Variants in CNPY1 observed in about 807,000 individuals in gnomAD.
CNPY1 encodes the protein canopy FGF signaling regulator 1.
A neutral mutation model predicts 14.4 loss-of-function variants in CNPY1; 14 were observed. The observed-to-expected ratio is 0.97, with a 90% confidence interval of 0.64 to 1.52. The LOEUF is 1.52. Among genes scored for constraint, CNPY1 ranks in the 40% most tolerant of loss-of-function variants. The pLI is 0.00. For synonymous variants in CNPY1, 43 were observed against 46.5 expected (o/e 0.92, Z 0.31); for missense variants, 129 against 131.5 (o/e 0.98, Z 0.09).
intron 2 of CNPY1, among the ~76,000 whole-genome samples, chr7:155,515,300 C>G (rs868076273): frequency 1.2e-4 from 16 of 135,938 alleles, no homozygotes; most frequent in East Asian, 6.3e-4. Flanking sequence ...GGCCGCCCCC[C>G]CCCCCCCCGG....
At chr7:155,506,881 C>G in intron 4 of CNPY1, 139 bp downstream of exon 4, 1 of 549,436 alleles carries the variant, frequency 1.8e-6, no homozygotes, top group Non-Finnish European at 3.3e-6. Flanking sequence ...GTTTCTGATT[C>G]AGCGGAGACG....
At position 155,502,879 on chromosome 7, in the gene CNPY1, T is replaced by C. The variant is rs1796162905; in HGVS notation, c.*189A>G. On this transcript the variant is annotated 3_prime_UTR_variant, in exon 5 of 5. Coordinates refer to ENST00000636446, the MANE Select transcript of CNPY1 (RefSeq NM_001393663.1). Reference sequence around the variant, plus strand: ...TTCATGTACTCCTCAGCTTCACCTATAAAAAAACGCAGGGTTTGTCATGAT... The same window carrying C: ...TTCATGTACTCCTCAGCTTCACCTACAAAAAAACGCAGGGTTTGTCATGAT... The C allele has an allele frequency of 1.8e-6, 1 of 542,998 alleles. No homozygotes were observed. The highest frequency in any genetic ancestry group is 3.2e-5 in the Admixed American group (1 of 30,974). The allele number at this position is 542,998 out of a possible 1,614,324, so 33.6% of individuals were successfully genotyped here. A position where few individuals can be genotyped will look rare whatever the true frequency, so the allele number is the denominator to read the frequency against.
At chr7:155,537,139 A>T (rs532759983) in intron 2 of CNPY1, among the ~76,000 whole-genome samples, 2 of 152,226 alleles carry the variant, frequency 1.3e-5, no homozygotes, top group East Asian at 3.9e-4. Context: ...TGTCCTCTAG[A>T]TGGTTGAGAG....
chr7:155,530,716 G>T (rs1796923161), intron 2 of CNPY1, among the ~76,000 whole-genome samples: 1 of 152,172 alleles, frequency 6.6e-6, no homozygotes, highest in Non-Finnish European at 1.5e-5. Flanking sequence ...GAAAATTCCT[G>T]ACTTTCATAG....
chr7:155,520,436 T>C (rs1377351892), intron 2 of CNPY1, among the ~76,000 whole-genome samples: 6 of 122,820 alleles, frequency 4.9e-5, no homozygotes, highest in Admixed American at 8.5e-5. Flanking sequence ...TTCTTTTTTT[T>C]TTTTTTTTTT....
chr7:155,527,608 ATT>A (rs750783721), intron 2 of CNPY1, among the ~76,000 whole-genome samples: 10 of 135,670 alleles, frequency 7.4e-5, no homozygotes, highest in African/African-American at 8.1e-5. Context: ...CACCCTGCTA[ATT>A]TTTTTTTTTT....
chr7:155,544,558 G>A (rs754787265), intron 2 of CNPY1, among the ~76,000 whole-genome samples: 54 of 152,218 alleles, frequency 3.5e-4, no homozygotes, highest in Non-Finnish European at 6.5e-4. Context: ...TGGACACAAT[G>A]CACACACAGA....
chr7:155,508,821 A>C (rs1796418075), intron 3 of CNPY1, 73 bp downstream of exon 3: 1 of 1,492,254 alleles, frequency 6.7e-7, no homozygotes, highest in Non-Finnish European at 9.2e-7. Context: ...CAACAAGAGT[A>C]GAAAACAACA....
intron 3 of CNPY1, 80 bp downstream of exon 3, chr7:155,508,814 C>G: frequency 6.9e-7 from 1 of 1,446,334 alleles, no homozygotes; most frequent in South Asian, 1.2e-5. Context: ...TCAACCACAA[C>G]AAGAGTAGAA....
chr7:155,545,954 C>T lies in CNPY1; in HGVS notation c.-14-11G>A. On this transcript the variant is annotated splice_polypyrimidine_tract_variant and intron_variant, in intron 1 of 4. Coordinates refer to ENST00000636446, the MANE Select transcript of CNPY1 (RefSeq NM_001393663.1). ...TCAGCGCCCTGCACGCTAAACAAGA[C>T]ACAAAACAGCTGTGATCAGAGGAGG... The T allele has an allele frequency of 2.5e-6, 1 of 398,654 alleles. No individual in the cohort carries two copies. The highest frequency in any genetic ancestry group is 4.4e-6 in the Non-Finnish European group (1 of 226,104). 24.7% of individuals were successfully genotyped at this position (398,654 alleles called of 1,614,324 possible).
chr7:155,528,746 C>A lies in CNPY1; in HGVS notation c.99+17085G>T, dbSNP rs565728497. Among the ~76,000 whole-genome samples the A allele has an allele frequency of 1.8e-4, 27 of 152,308 alleles. No homozygotes were observed. The East Asian group carries it at 4.8e-3, about 27-fold the overall frequency. On this transcript the variant is annotated intron_variant, in intron 2 of 4. Transcript: ENST00000636446. ...GTTCTGTTAGAGACCTGGTTATAGA[C>A]AAGGCTTCTCCACCTAAGAAAAAAC...
rs746710670 is a variant in CNPY1, at chr7:155,511,955, G to A, written c.100-2858C>T. 4.6e-5 allele frequency among the ~76,000 whole-genome samples: 7 copies of A among 152,238 alleles called. No individual in the cohort carries two copies. In the East Asian group the frequency reaches 1.2e-3, roughly 25 times the overall value. On this transcript the variant is annotated intron_variant, in intron 2 of 4. Coordinates refer to ENST00000636446, the MANE Select transcript of CNPY1 (RefSeq NM_001393663.1). The stretch of plus-strand genomic sequence containing the variant: ...AAATGATTCTAAGTAGCTGAACTAC[G>A]TTCAGTACATTTAAAGACTGTTCAC...
rs189827294 is a variant in CNPY1, at chr7:155,544,716, G to A, written c.99+1115C>T. Among the ~76,000 whole-genome samples the A allele has an allele frequency of 1.1e-3, 163 of 152,322 alleles. 2 individuals are homozygous for A. Among genetic ancestry groups the A allele is most frequent in the African/African-American group, 3.8e-3 (157 of 41,586 alleles). On this transcript the variant is annotated intron_variant, in intron 2 of 4. Coordinates refer to ENST00000636446, the MANE Select transcript of CNPY1 (RefSeq NM_001393663.1). ...GACCTTGAGATTCCGGGGTGCAGGC[G>A]TCAGACCTGCAGCAGAGCAGCCAGT...
At position 155,537,820 on chromosome 7, in the gene CNPY1, C is replaced by T. The variant is rs952051547; in HGVS notation, c.99+8011G>A. On this transcript the variant is annotated intron_variant, in intron 2 of 4. Coordinates refer to ENST00000636446, the MANE Select transcript of CNPY1 (RefSeq NM_001393663.1). ...CTACTTTTTAGAATAGGAATTTCTA[C>T]ATTATCATGGAATTCTTTTGATTTC... is the stretch of plus-strand genomic sequence containing the variant. Among the ~76,000 whole-genome samples the T allele has an allele frequency of 1.6e-4, 24 of 152,172 alleles. No individual in the cohort carries two copies. In the East Asian group the frequency reaches 4.6e-3, roughly 29 times the overall value.
chr7:155,507,057 T>C lies in CNPY1; in HGVS notation c.363A>G (p.Thr121=). The change falls in exon 4 of 5, where the codon ACA becomes ACG. Residue 121 remains threonine, a synonymous_variant. Transcript: ENST00000636446. ...TGCACAGCTTGTCAGCTAGATAGTG[T>C]GTCTCCTGGGCGATAAGTGAGGATA... ...DEISSLIAQE[T]HYLADKLCSE... The C allele has an allele frequency of 6.2e-7, 1 of 1,612,878 alleles. No homozygotes were observed. Among genetic ancestry groups the C allele is most frequent in the Non-Finnish European group, 8.5e-7 (1 of 1,179,156 alleles).
At chr7:155,515,133 A>G (rs1796593018) in intron 2 of CNPY1, among the ~76,000 whole-genome samples, 1 of 152,130 alleles carries the variant, frequency 6.6e-6, no homozygotes, top group South Asian at 2.1e-4. Flanking sequence ...AAACCAGAAA[A>G]CATTGTATGG....
chr7:155,521,057 A>G (rs936009033), intron 2 of CNPY1, among the ~76,000 whole-genome samples: 1 of 113,156 alleles, frequency 8.8e-6, no homozygotes, highest in African/African-American at 5.3e-5. Flanking sequence ...AAAAGAAAGA[A>G]GGAAGGAAGG....
At chr7:155,514,510 C>T (rs889222744) in intron 2 of CNPY1, among the ~76,000 whole-genome samples, 4 of 152,144 alleles carry the variant, frequency 2.6e-5, no homozygotes, top group Admixed American at 6.6e-5. Flanking sequence ...CCTAGAAGAG[C>T]GGAAAAGTCC....
At chr7:155,503,730 C>T (rs762430093) in intron 4 of CNPY1, among the ~76,000 whole-genome samples, 11 of 152,140 alleles carry the variant, frequency 7.2e-5, no homozygotes, top group Non-Finnish European at 1.3e-4. Flanking sequence ...TCATACGCTG[C>T]ATTTGAAATT....
Sources: allele counts gnomAD v4.1 joint callset (sites outside exome capture counted in the v4.1 genomes callset), GRCh38; gene constraint gnomAD v4.1.1; transcripts MANE v1.5; gene names NCBI Gene and HGNC (gene_info 2026-07-23, HGNC 2026-07-21).